Variants in RGSL1 observed in about 807,000 individuals in gnomAD.
The protein encoded by RGSL1 is regulator of G protein signaling protein-like.
A neutral mutation model predicts 124.7 loss-of-function variants in RGSL1; 97 were observed. The observed-to-expected ratio is 0.78, with a 90% CI of 0.66 to 0.92. RGSL1 has a LOEUF of 0.92. RGSL1 is among the 40% of genes least tolerant of loss of function. The probability of loss-of-function intolerance (pLI) is 0.00; values close to 1 mark genes in which losing one functional copy is unlikely to be tolerated. For synonymous variants in RGSL1, 424 were observed against 438.1 expected, an observed-to-expected ratio of 0.97 and a Z score of 0.40; for missense variants, 1,233 against 1,288.4, an observed-to-expected ratio of 0.96 and a Z score of 0.66.
chr1:182,466,878 A>G (rs1653378554), intron 4 of RGSL1, among the ~76,000 whole-genome samples: 2 of 152,192 alleles, frequency 1.3e-5, no homozygotes, highest in Admixed American at 1.3e-4. Context: ...AAAAAATTTC[A>G]AAAAAGCTGC....
chr1:182,486,306 C>T (rs1655092589), intron 6 of RGSL1, among the ~76,000 whole-genome samples: 1 of 148,652 alleles, frequency 6.7e-6, no homozygotes, highest in Non-Finnish European at 1.5e-5. Flanking sequence ...TAGGTAGAGT[C>T]ATAATTTTTT....
At chr1:182,528,753 C>T (rs1658943484) in intron 11 of RGSL1, among the ~76,000 whole-genome samples, 1 of 152,210 alleles carries the variant, frequency 6.6e-6, no homozygotes, top group African/African-American at 2.4e-5. Context: ...TACAGCCCAA[C>T]TCCCAGTACC....
intron 9 of RGSL1, among the ~76,000 whole-genome samples, chr1:182,511,875 G>A (rs1316053823): frequency 6.6e-6 from 1 of 152,152 alleles, no homozygotes; most frequent in Non-Finnish European, 1.5e-5. Flanking sequence ...TGAGCATGGA[G>A]TAACCTTTCA....
At chr1:182,514,783 C>T (rs974514319) in intron 9 of RGSL1, among the ~76,000 whole-genome samples, 5 of 152,142 alleles carry the variant, frequency 3.3e-5, no homozygotes, top group Admixed American at 2.0e-4. Context: ...CAGATGGTAT[C>T]GAAATGAATG....
chr1:182,474,894 A>G (rs201395407), intron 6 of RGSL1, among the ~76,000 whole-genome samples: 1 of 152,180 alleles, frequency 6.6e-6, no homozygotes, highest in East Asian at 1.9e-4. Context: ...TTCTTATGAG[A>G]ATCGAATGCC....
chr1:182,522,355 T>A (rs490273), intron 10 of RGSL1, among the ~76,000 whole-genome samples: 132,741 of 152,266 alleles, frequency 0.87, 58,205 homozygotes, highest in African/African-American at 0.9. Context: ...ATCTCATGTC[T>A]GTATGTGCAG....
chr1:182,530,775 A>G lies in RGSL1; in HGVS notation c.2244-15A>G. On this transcript the variant is annotated splice_polypyrimidine_tract_variant and intron_variant, in intron 12 of 21. Transcript: ENST00000294854. ...GTTTTTGCCCTGTTTGATATTACTG[A>G]TGTCCTTCTGACAGGTTTAAAGATT... 6.6e-7 allele frequency: 1 copy of G among 1,517,564 alleles called. No individual in the cohort carries two copies. Among genetic ancestry groups the G allele is most frequent in the Non-Finnish European group, 8.8e-7 (1 of 1,134,486 alleles). 94.0% of individuals were successfully genotyped at this position (1,517,564 alleles called of 1,614,324 possible). A position where few individuals can be genotyped will look rare whatever the true frequency, so the allele number is the denominator to read the frequency against.
intron 9 of RGSL1, among the ~76,000 whole-genome samples, chr1:182,503,974 C>CTTTT (rs71124902): frequency 5.1e-4 from 60 of 118,214 alleles, no homozygotes; most frequent in South Asian, 1.3e-3. Context: ...TTTGTAATTT[C>CTTTT]TTTTTTTTTT....
intron 14 of RGSL1, among the ~76,000 whole-genome samples, chr1:182,534,948 C>T (rs942137534): frequency 2.6e-5 from 4 of 152,176 alleles, no homozygotes; most frequent in African/African-American, 7.2e-5. Context: ...ACTTCCCCAA[C>T]ATTATGTGAG....
chr1:182,530,430 T>C, intron 12 of RGSL1, 69 bp downstream of exon 12: 1 of 1,197,938 alleles, frequency 8.3e-7, no homozygotes, highest in South Asian at 1.4e-5. Flanking sequence ...GCCATATGCA[T>C]CAAGGGTTTC....
In RGSL1 at chr1:182,531,306, A is replaced by T. The variant is rs554716858; in HGVS notation, c.2364+396A>T. On this transcript the variant is annotated intron_variant, in intron 13 of 21. Transcript: ENST00000294854. ...CTTGTAGCAAGTGTCTTGCAGACAAACAAACCAGAGAGAGAATGCAAAGTG... is the reference window on the plus strand; with the variant it reads ...CTTGTAGCAAGTGTCTTGCAGACAATCAAACCAGAGAGAGAATGCAAAGTG... 3.3e-5 allele frequency among the ~76,000 whole-genome samples: 5 copies of T among 152,314 alleles called. No homozygotes were observed. In the South Asian group the frequency reaches 1.0e-3, roughly 32 times the overall value.
At chr1:182,518,936 T>C (rs1658118184) in intron 9 of RGSL1, among the ~76,000 whole-genome samples, 1 of 152,110 alleles carries the variant, frequency 6.6e-6, no homozygotes, top group South Asian at 2.1e-4. Context: ...TGGTACTCTA[T>C]GTTACTACTT....
rs570521858 is a variant in RGSL1, at chr1:182,514,779, G to C, written c.1826-7225G>C. 4.6e-5 allele frequency among the ~76,000 whole-genome samples: 7 copies of C among 152,296 alleles called. No individual in the cohort carries two copies. The South Asian group carries it at 1.5e-3, about 32-fold the overall frequency. ...ACAGAAAAGGTCCAACTGCCAGATG[G>C]TATCGAAATGAATGGTTCCTTCCTG... On this transcript the variant is annotated intron_variant, in intron 9 of 21. Transcript: ENST00000294854.
chr1:182,519,017 G>A (rs1356469784), intron 9 of RGSL1, among the ~76,000 whole-genome samples: 2 of 150,306 alleles, frequency 1.3e-5, no homozygotes, highest in Admixed American at 1.3e-4. Flanking sequence ...AAATGGGGGG[G>A]GGTAGGTCAG....
intron 18 of RGSL1, 113 bp downstream of exon 18, chr1:182,551,322 C>T (rs763781785): frequency 2.5e-5 from 20 of 796,548 alleles, no homozygotes; most frequent in African/African-American, 6.9e-5. Context: ...TTGCTGGAGC[C>T]GGGACAGCTC....
chr1:182,536,592 C>G (rs1258702282), intron 14 of RGSL1, among the ~76,000 whole-genome samples: 1 of 152,100 alleles, frequency 6.6e-6, no homozygotes, highest in Admixed American at 6.6e-5. Context: ...ACATATTAGT[C>G]CATTTTCACA....
intron 6 of RGSL1, among the ~76,000 whole-genome samples, chr1:182,474,949 A>C (rs1654171070): frequency 6.6e-6 from 1 of 152,186 alleles, no homozygotes; most frequent in Non-Finnish European, 1.5e-5. Flanking sequence ...TCATCCCCCC[A>C]GCCCCAAGTT....
intron 4 of RGSL1, among the ~76,000 whole-genome samples, chr1:182,464,727 GAA>G (rs1053256045): frequency 1.9e-5 from 2 of 105,906 alleles, no homozygotes; most frequent in African/African-American, 3.5e-5. Flanking sequence ...CTGCTCAGAA[GAA>G]AAAAAAAAAA....
intron 9 of RGSL1, among the ~76,000 whole-genome samples, chr1:182,497,316 G>GAT (rs1655998144): frequency 1.4e-5 from 2 of 145,620 alleles, no homozygotes; most frequent in Admixed American, 6.9e-5. Context: ...TTTTTCAGGA[G>GAT]ATATATATAT....
Sources: allele counts gnomAD v4.1 joint callset (sites outside exome capture counted in the v4.1 genomes callset), GRCh38; gene constraint gnomAD v4.1.1; transcripts MANE v1.5; gene names NCBI Gene and HGNC (gene_info 2026-07-23, HGNC 2026-07-21).